IFT80: variants seen among roughly 807,000 people sequenced by gnomAD.
IFT80 encodes intraflagellar transport protein 80 homolog.
A neutral mutation model predicts 107.9 loss-of-function variants in IFT80; 79 were observed. That is an observed-to-expected ratio of 0.73 (90% CI 0.61 to 0.88). The LOEUF (loss-of-function observed/expected upper bound fraction) is 0.88, where lower values mean the gene tolerates loss of function less well. Ranked by LOEUF, IFT80 falls within the 40% of genes least tolerant of loss-of-function variation. The pLI is 0.00. For missense variants in IFT80, 797 were observed against 914.2 expected (o/e 0.87, Z 1.65); for synonymous variants, 299 against 300.9 (o/e 0.99, Z 0.07).
Position 160,258,451 on chromosome 3 carries a change from A to G in IFT80, c.*74T>C. 6.3e-7 allele frequency: 1 copy of G among 1,596,366 alleles called. No homozygotes were observed. The highest frequency in any genetic ancestry group is 1.1e-5 in the South Asian group (1 of 90,180). On this transcript the variant is annotated 3_prime_UTR_variant, in exon 20 of 20. Transcript: ENST00000326448. ...AAAGATTATGCTTTTTTCTTTAGCA[A>G]CCAAAACATGCTTACCCTTGGTTAA...
intron 8 of IFT80, among the ~76,000 whole-genome samples, chr3:160,340,287 G>T: frequency 6.6e-6 from 1 of 152,158 alleles, no homozygotes; most frequent in East Asian, 1.9e-4. Flanking sequence ...CTAAAAGGCA[G>T]TTACAAAGAT....
intron 1 of IFT80, among the ~76,000 whole-genome samples, chr3:160,389,818 T>A (rs1713227628): frequency 6.6e-6 from 1 of 152,222 alleles, no homozygotes; most frequent in East Asian, 1.9e-4. Context: ...TATAGCAGCA[T>A]GATTTATAGT....
At chr3:160,292,389 T>C (rs187219748) in intron 12 of IFT80, among the ~76,000 whole-genome samples, 1 of 151,908 alleles carries the variant, frequency 6.6e-6, no homozygotes, top group Admixed American at 6.6e-5. Flanking sequence ...GGGGAAAGTA[T>C]GAAGAACTGG....
chr3:160,268,276 G>A, intron 19 of IFT80, 137 bp downstream of exon 19: 2 of 750,948 alleles, frequency 2.7e-6, no homozygotes, highest in Non-Finnish European at 4.3e-6. Context: ...AAAATAAGAT[G>A]TCATAAGGCA....
At chr3:160,321,329 A>G (rs1718196213) in intron 8 of IFT80, among the ~76,000 whole-genome samples, 1 of 152,022 alleles carries the variant, frequency 6.6e-6, no homozygotes, top group Non-Finnish European at 1.5e-5. Flanking sequence ...CATAAAGATT[A>G]AAAGTGGTTG....
In IFT80 at chr3:160,357,530, T is replaced by G. The variant is rs1002237145; in HGVS notation, c.598A>C (p.Asn200His). 5.0e-6 allele frequency: 8 copies of G among 1,598,872 alleles called. No homozygotes were observed. The highest frequency in any genetic ancestry group is 6.9e-6 in the Non-Finnish European group (8 of 1,166,538). ...TCACCAGCAGATAAAATAAGATCAT[T>G]GACCGAGTTCCAATCTACTTTTAAA... is the stretch of plus-strand genomic sequence containing the variant. Reference protein sequence around the residue: ...IILKVDWNSVNDLILSAGEDC... With the variant: ...IILKVDWNSVHDLILSAGEDC... The change falls in exon 7 of 20, where the codon AAT becomes CAT. Residue 200 changes from asparagine to histidine, a missense_variant. Physicochemically the swap from Asn to His is moderately conservative, Grantham distance 68. Transcript: ENST00000326448.
At chr3:160,314,408 G>T (rs1717637228) in intron 9 of IFT80, among the ~76,000 whole-genome samples, 3 of 152,102 alleles carry the variant, frequency 2.0e-5, no homozygotes, top group Admixed American at 2.0e-4. Context: ...TATCCACTGG[G>T]CTGCTTCCTG....
intron 15 of IFT80, among the ~76,000 whole-genome samples, chr3:160,280,291 A>C (rs1714586048): frequency 6.6e-6 from 1 of 152,166 alleles, no homozygotes; most frequent in South Asian, 2.1e-4. Context: ...TACATTCTTG[A>C]AAGTGTTAAC....
chr3:160,321,310 A>G (rs907055422), intron 8 of IFT80, among the ~76,000 whole-genome samples: 2 of 152,034 alleles, frequency 1.3e-5, no homozygotes, highest in Non-Finnish European at 2.9e-5. Flanking sequence ...TTACATGAAT[A>G]CTATTTTACA....
intron 8 of IFT80, among the ~76,000 whole-genome samples, chr3:160,320,775 T>A (rs1173240859): frequency 6.6e-6 from 1 of 151,794 alleles, no homozygotes; most frequent in African/African-American, 2.4e-5. Flanking sequence ...ATATATATAT[T>A]TTGTTTGTTT....
chr3:160,314,847 G>C (rs1025803681), intron 9 of IFT80, among the ~76,000 whole-genome samples: 3 of 152,044 alleles, frequency 2.0e-5, no homozygotes, highest in African/African-American at 7.2e-5. Context: ...GAGTTCTCAG[G>C]ATATTCTTGG....
intron 8 of IFT80, among the ~76,000 whole-genome samples, chr3:160,320,514 T>C (rs531648318): frequency 1.3e-5 from 2 of 151,922 alleles, no homozygotes; most frequent in East Asian, 3.9e-4. Context: ...GAGATATCAA[T>C]AAGCATTAAA....
chr3:160,347,693 A>G (rs1295432561), intron 8 of IFT80, among the ~76,000 whole-genome samples: 1 of 152,194 alleles, frequency 6.6e-6, no homozygotes, highest in African/African-American at 2.4e-5. Context: ...TTTTTACTAA[A>G]TAACATCATA....
intron 19 of IFT80, among the ~76,000 whole-genome samples, chr3:160,264,464 C>G (rs1383451167): frequency 1.3e-5 from 2 of 151,500 alleles, no homozygotes; most frequent in African/African-American, 4.9e-5. Context: ...ATTCTGTGGC[C>G]CAGGTTGGAG....
rs1204948959 is a variant in IFT80, at chr3:160,384,556, A to C, written c.37+8T>G. The C allele has an allele frequency of 1.4e-6, 2 of 1,465,308 alleles. No homozygotes were observed. The highest frequency in any genetic ancestry group is 1.9e-6 in the Non-Finnish European group (2 of 1,052,338). The allele number at this position is 1,465,308 out of a possible 1,614,324, so 90.8% of individuals were successfully genotyped here. On this transcript the variant is annotated splice_region_variant and intron_variant, in intron 2 of 19. Transcript: ENST00000326448. ...ATCCAATAAGATTTATAAGCATTAA[A>C]AGGATATGCTTTGGTTCTTTTAAAA... is the stretch of plus-strand genomic sequence containing the variant.
At chr3:160,280,279 T>C (rs949492261) in intron 15 of IFT80, among the ~76,000 whole-genome samples, 10 of 152,304 alleles carry the variant, frequency 6.6e-5, no homozygotes, top group Admixed American at 3.3e-4. Flanking sequence ...TCTAGAGACA[T>C]TTACATTCTT....
At chr3:160,264,276 CTT>C (rs1210964197) in intron 19 of IFT80, among the ~76,000 whole-genome samples, 2 of 142,168 alleles carry the variant, frequency 1.4e-5, no homozygotes, top group Non-Finnish European at 1.5e-5. Context: ...TGCCCAGTTA[CTT>C]TTTTTTTTTG....
chr3:160,339,723 AAG>A (rs1719749652), intron 8 of IFT80, among the ~76,000 whole-genome samples: 1 of 152,226 alleles, frequency 6.6e-6, no homozygotes, highest in Admixed American at 6.5e-5. Flanking sequence ...GTAATTATAA[AAG>A]AAGTTTACAG....
At chr3:160,291,371 T>C (rs1240425968) in intron 12 of IFT80, among the ~76,000 whole-genome samples, 3 of 152,310 alleles carry the variant, frequency 2.0e-5, no homozygotes, top group African/African-American at 2.4e-5. Context: ...ATGAAATGTA[T>C]TGAGTAGGAA....
Sources: gnomAD v4.1 joint callset for allele counts (sites outside exome capture counted in the v4.1 genomes callset) on GRCh38, gnomAD v4.1.1 for gene constraint, MANE v1.5 for transcripts, NCBI Gene and HGNC (gene_info 2026-07-23, HGNC 2026-07-21) for gene names.